OXR1: variants seen among roughly 807,000 people sequenced by gnomAD.
OXR1 encodes the protein oxidation resistance 1.
A neutral mutation model predicts 104.6 loss-of-function variants in OXR1; 41 were observed. The observed-to-expected ratio is 0.39, with a 90% CI of 0.31 to 0.51. The LOEUF (loss-of-function observed/expected upper bound fraction) is 0.51. Ranked by LOEUF, OXR1 falls within the 20% of genes least tolerant of loss-of-function variation. The pLI, the probability that OXR1 is intolerant of heterozygous loss-of-function variation, is 0.77. For synonymous variants in OXR1, 348 were observed against 348.4 expected (o/e 1.00, Z 0.01); for missense variants, 955 against 1,031.9 (o/e 0.93, Z 1.02).
intron 1 of OXR1, among the ~76,000 whole-genome samples, chr8:106,354,876 A>G (rs987690016): frequency 1.3e-5 from 2 of 152,130 alleles, no homozygotes; most frequent in Non-Finnish European, 2.9e-5. Flanking sequence ...ATTTATTAGA[A>G]TATAGTATTT....
chr8:106,714,522 AAGT>A (rs1173778418), intron 11 of OXR1, among the ~76,000 whole-genome samples: 2 of 152,074 alleles, frequency 1.3e-5, no homozygotes, highest in Non-Finnish European at 2.9e-5. Flanking sequence ...TAATTTTATA[AAGT>A]AGTAGAAATT....
chr8:106,691,709 T>C (rs1480012933), intron 6 of OXR1, among the ~76,000 whole-genome samples: 26 of 150,504 alleles, frequency 1.7e-4, no homozygotes, highest in Non-Finnish European at 4.4e-5. Context: ...AATTGAGGAA[T>C]CACAAAATTT....
intron 2 of OXR1, among the ~76,000 whole-genome samples, chr8:106,463,746 T>A (rs1821029691): frequency 6.6e-6 from 1 of 152,090 alleles, no homozygotes; most frequent in Non-Finnish European, 1.5e-5. Context: ...ATCCGTGAAG[T>A]AGGGATTGTA....
chr8:106,728,969 A>T (rs1477373454), intron 11 of OXR1, among the ~76,000 whole-genome samples: 1 of 152,162 alleles, frequency 6.6e-6, no homozygotes. Flanking sequence ...AAAAGTTTGT[A>T]TGTCGAATTG....
chr8:106,368,868 G>A (rs537357381), intron 2 of OXR1, among the ~76,000 whole-genome samples: 61 of 152,274 alleles, frequency 4.0e-4, no homozygotes, highest in African/African-American at 1.4e-3. Context: ...ACATACTTGT[G>A]CATGTGTCTT....
intron 2 of OXR1, among the ~76,000 whole-genome samples, chr8:106,426,609 A>G (rs1292462546): frequency 6.6e-6 from 1 of 152,080 alleles, no homozygotes; most frequent in East Asian, 1.9e-4. Context: ...AAGAGTGAAG[A>G]CCCTAGATAC....
intron 1 of OXR1, among the ~76,000 whole-genome samples, chr8:106,357,268 G>T (rs77134415): frequency 1.3e-5 from 2 of 151,750 alleles, no homozygotes; most frequent in African/African-American, 4.8e-5. Context: ...TAAAAATGAG[G>T]CAATACAGCT....
chr8:106,640,867 A>T (rs1037418317), intron 3 of OXR1, among the ~76,000 whole-genome samples: 20 of 152,198 alleles, frequency 1.3e-4, no homozygotes, highest in Non-Finnish European at 1.5e-5. Context: ...AATACATAGC[A>T]TGCTTTTTAC....
chr8:106,739,407 A>G (rs374248844), intron 12 of OXR1, 51 bp from the exon 13 acceptor site: 3 of 1,523,372 alleles, frequency 2.0e-6, no homozygotes, highest in South Asian at 1.2e-5. Flanking sequence ...GACAATTTTG[A>G]AAGCATGTCA....
intron 11 of OXR1, chr8:106,726,129 G>C: frequency 7.1e-7 from 1 of 1,416,640 alleles, no homozygotes. Context: ...CTAGCAAACT[G>C]TTTTGTCACT....
At chr8:106,309,503 A>G (rs1813607911) in intron 1 of OXR1, among the ~76,000 whole-genome samples, 1 of 152,116 alleles carries the variant, frequency 6.6e-6, no homozygotes, top group Admixed American at 6.6e-5. Context: ...ATTATCAGTC[A>G]CTTTGGTTAG....
chr8:106,546,583 G>A (rs1407555645), intron 3 of OXR1, among the ~76,000 whole-genome samples: 4 of 152,234 alleles, frequency 2.6e-5, no homozygotes, highest in Non-Finnish European at 4.4e-5. Context: ...GGAAGGAAAA[G>A]AGGAAGGGTA....
chr8:106,750,784 G>A (rs770739610), intron 16 of OXR1, 22 bp from the exon 17 acceptor site: 6 of 1,528,840 alleles, frequency 3.9e-6, no homozygotes, highest in East Asian at 2.3e-5. Flanking sequence ...AATATTAACA[G>A]ATTATTATTT....
chr8:106,563,321 A>T (rs578021464), intron 3 of OXR1, among the ~76,000 whole-genome samples: 1 of 151,908 alleles, frequency 6.6e-6, no homozygotes, highest in Non-Finnish European at 1.5e-5. Flanking sequence ...AAAAGAAAAA[A>T]AAAGCAGGGG....
chr8:106,407,078 T>A (rs1436840993), intron 2 of OXR1, among the ~76,000 whole-genome samples: 1 of 152,164 alleles, frequency 6.6e-6, no homozygotes, highest in African/African-American at 2.4e-5. Flanking sequence ...ATAAAGACTA[T>A]TACTAAAAGT....
intron 6 of OXR1, among the ~76,000 whole-genome samples, chr8:106,685,221 A>G (rs1413275202): frequency 3.3e-5 from 5 of 152,242 alleles, no homozygotes; most frequent in Non-Finnish European, 7.3e-5. Context: ...CAAATGACAC[A>G]ATACCTTTTT....
chr8:106,715,360 C>T (rs1039015855), intron 11 of OXR1, among the ~76,000 whole-genome samples: 2 of 150,096 alleles, frequency 1.3e-5, no homozygotes, highest in African/African-American at 4.9e-5. Flanking sequence ...ATATGTTACT[C>T]TCAGTGGTGG....
chr8:106,530,446 C>T (rs1045715877), intron 3 of OXR1, among the ~76,000 whole-genome samples: 1 of 152,144 alleles, frequency 6.6e-6, no homozygotes, highest in African/African-American at 2.4e-5. Context: ...TGTGCATAAC[C>T]GTACCGAGTC....
chr8:106,530,901 A>G (rs1365959818), intron 3 of OXR1, among the ~76,000 whole-genome samples: 1 of 152,230 alleles, frequency 6.6e-6, no homozygotes, highest in Non-Finnish European at 1.5e-5. Context: ...AGGTTCAGCA[A>G]TTTAGCTTAG....
Sources: gnomAD v4.1 joint callset for allele counts (sites outside exome capture counted in the v4.1 genomes callset) on GRCh38, gnomAD v4.1.1 for gene constraint, MANE v1.5 for transcripts, NCBI Gene and HGNC (gene_info 2026-07-23, HGNC 2026-07-21) for gene names.